The following RAP1GDS1 variants were observed in gnomAD, a reference collection of about 807,000 sequenced individuals.
The protein encoded by RAP1GDS1 is Rap1 GTPase-GDP dissociation stimulator 1, also known as RAP1, GTP-GDP dissociation stimulator 1.
Under a neutral mutation model 71.1 loss-of-function variants are expected in RAP1GDS1, and 35 were observed. The ratio of observed to expected loss-of-function variants is 0.49; its 90% confidence interval spans 0.38 to 0.65. RAP1GDS1 has a LOEUF of 0.65. Ranked by LOEUF, RAP1GDS1 falls within the 30% of genes least tolerant of loss-of-function variation. RAP1GDS1 has a pLI of 0.00. For missense variants in RAP1GDS1, 663 were observed against 706.1 expected (o/e 0.94, Z 0.69); for synonymous variants, 229 against 243.1 (o/e 0.94, Z 0.54).
chr4:98,330,353 T>C (rs1014985482), intron 2 of RAP1GDS1, among the ~76,000 whole-genome samples: 3 of 151,228 alleles, frequency 2.0e-5, no homozygotes, highest in African/African-American at 7.3e-5. Flanking sequence ...CCAGACGGGG[T>C]GGCGGCCGGG....
At chr4:98,328,399 G>T (rs900712535) in intron 2 of RAP1GDS1, among the ~76,000 whole-genome samples, 2 of 152,196 alleles carry the variant, frequency 1.3e-5, no homozygotes, top group African/African-American at 4.8e-5. Context: ...CGTCTACCAT[G>T]TAAAAATGTC....
chr4:98,332,145 A>G (rs1292169256), intron 2 of RAP1GDS1, among the ~76,000 whole-genome samples: 3 of 152,234 alleles, frequency 2.0e-5, no homozygotes, highest in Non-Finnish European at 2.9e-5. Context: ...GATAGCCTGG[A>G]AGTTGAACCT....
chr4:98,425,048 C>T (rs1422463152), intron 12 of RAP1GDS1, among the ~76,000 whole-genome samples: 1 of 152,168 alleles, frequency 6.6e-6, no homozygotes, highest in Non-Finnish European at 1.5e-5. Flanking sequence ...CTCAGCAGAA[C>T]CCCTACAAGC....
chr4:98,331,303 G>A (rs1204264224), intron 2 of RAP1GDS1, among the ~76,000 whole-genome samples: 2 of 151,074 alleles, frequency 1.3e-5, no homozygotes, highest in Admixed American at 6.6e-5. Flanking sequence ...CGGAGACGAA[G>A]GAGAGGGGGA....
At chr4:98,278,289 A>G (rs1162242225) in intron 1 of RAP1GDS1, among the ~76,000 whole-genome samples, 3 of 152,190 alleles carry the variant, frequency 2.0e-5, no homozygotes, top group Non-Finnish European at 4.4e-5. Flanking sequence ...AGGTCCCCCT[A>G]GTTTTCATTA....
chr4:98,418,407 T>C (rs1748321352), intron 9 of RAP1GDS1, among the ~76,000 whole-genome samples: 1 of 152,216 alleles, frequency 6.6e-6, no homozygotes, highest in Admixed American at 6.5e-5. Context: ...TGATATATTA[T>C]CTGGCTCTAA....
At chr4:98,396,100 A>G (rs13103626) in intron 6 of RAP1GDS1, 27,114 of 151,344 alleles carry the variant, frequency 0.18, 2,658 homozygotes, top group Non-Finnish European at 0.22. Context: ...ACCAGATCTC[A>G]TATGAACTAA....
intron 2 of RAP1GDS1, among the ~76,000 whole-genome samples, chr4:98,296,056 C>CAAA (rs71588948): frequency 6.6e-6 from 1 of 150,562 alleles, no homozygotes; most frequent in Non-Finnish European, 1.5e-5. Flanking sequence ...ACAACAACAA[C>CAAA]AAAAACACAG....
chr4:98,386,069 A>T (rs1742697774), intron 5 of RAP1GDS1, among the ~76,000 whole-genome samples: 1 of 150,110 alleles, frequency 6.7e-6, no homozygotes, highest in Non-Finnish European at 1.5e-5. Flanking sequence ...AAAAAAAAAG[A>T]CATTTAACTT....
At chr4:98,350,541 TA>T (rs1737014693) in intron 3 of RAP1GDS1, among the ~76,000 whole-genome samples, 1 of 151,882 alleles carries the variant, frequency 6.6e-6, no homozygotes, top group African/African-American at 2.4e-5. Flanking sequence ...ACTCTGTCTA[TA>T]AAAAAATAAA....
rs541079207 is a variant in RAP1GDS1 at position 98,389,030 on chromosome 4, G to A, written c.509-2922G>A. ...TTGTTTTACTATTTGTGATGGTGAA[G>A]AAAACAATGGCTACTAATACAATTT... On this transcript the variant is annotated intron_variant, in intron 5 of 14. Coordinates refer to ENST00000408927, the MANE Select transcript of RAP1GDS1 (RefSeq NM_001100427.2). Among the ~76,000 whole-genome samples the A allele has an allele frequency of 1.9e-4, 27 of 141,056 alleles. No individual in the cohort carries two copies. In the South Asian group the frequency reaches 5.6e-3, roughly 29 times the overall value. 92.5% of individuals were successfully genotyped at this position (141,056 alleles called of 152,430 possible). A position where few individuals can be genotyped will look rare whatever the true frequency, so the allele number is the denominator to read the frequency against.
intron 5 of RAP1GDS1, among the ~76,000 whole-genome samples, chr4:98,388,003 G>A (rs1281865788): frequency 1.2e-4 from 18 of 152,090 alleles, no homozygotes. Context: ...TGATACCATG[G>A]ATGTCAGCTA....
intron 4 of RAP1GDS1, among the ~76,000 whole-genome samples, chr4:98,358,904 A>G (rs1400482075): frequency 6.6e-6 from 1 of 151,810 alleles, no homozygotes; most frequent in Non-Finnish European, 1.5e-5. Context: ...TTTTTTTTAA[A>G]TAACTTCTTG....
At chr4:98,349,271 G>A (rs907137910) in intron 3 of RAP1GDS1, among the ~76,000 whole-genome samples, 7 of 152,156 alleles carry the variant, frequency 4.6e-5, no homozygotes, top group Admixed American at 3.9e-4. Context: ...AAGATCAGAT[G>A]GTTGTAAATG....
chr4:98,432,030 C>G (rs953073875), intron 12 of RAP1GDS1, among the ~76,000 whole-genome samples: 2 of 151,910 alleles, frequency 1.3e-5, no homozygotes, highest in African/African-American at 2.4e-5. Flanking sequence ...TGTGCTGCAC[C>G]CATTAACTCA....
At chr4:98,428,397 C>T (rs889664892) in intron 12 of RAP1GDS1, among the ~76,000 whole-genome samples, 2 of 152,076 alleles carry the variant, frequency 1.3e-5, no homozygotes, top group African/African-American at 2.4e-5. Flanking sequence ...AAGGAACAGT[C>T]GGCAGAGTAA....
chr4:98,403,578 GCAGTTAAATAGC>G (rs1049548304), intron 6 of RAP1GDS1, among the ~76,000 whole-genome samples: 10 of 152,186 alleles, frequency 6.6e-5, no homozygotes, highest in African/African-American at 2.4e-4. Flanking sequence ...TGTCAAATGG[GCAGTTAAATAGC>G]CTGATGTCCA....
Position 98,442,922 on chromosome 4 carries a change from T to C in RAP1GDS1, c.*805T>C, listed in dbSNP as rs1430659253. On this transcript the variant is annotated 3_prime_UTR_variant, in exon 15 of 15. Transcript: ENST00000408927. Reference sequence around the variant, plus strand: ...TCACTCAGGAACTACTTCTACCAGTTAATCAGCATTATCCAGCACTTGTCT... The same window carrying C: ...TCACTCAGGAACTACTTCTACCAGTCAATCAGCATTATCCAGCACTTGTCT... The C allele has an allele frequency of 4.3e-6, 1 of 230,808 alleles. No individual in the cohort carries two copies. Among genetic ancestry groups the C allele is most frequent in the African/African-American group, 2.2e-5 (1 of 45,120 alleles). The allele number at this position is 230,808 out of a possible 1,614,324, so 14.3% of individuals were successfully genotyped here.
rs1390803441 is a variant in RAP1GDS1, at chr4:98,443,185, C to T, written c.*1068C>T. ...AGAAAGGAAAGCAGGTTATAAAAGC[C>T]ATAGTAGCCAGTCCAGTTCATTCTG... is the stretch of plus-strand genomic sequence containing the variant. On this transcript the variant is annotated 3_prime_UTR_variant, in exon 15 of 15. Transcript: ENST00000408927. 8.6e-6 allele frequency: 2 copies of T among 232,104 alleles called. No individual in the cohort carries two copies. Among genetic ancestry groups the T allele is most frequent in the Non-Finnish European group, 1.7e-5 (2 of 117,618 alleles). The allele number at this position is 232,104 out of a possible 1,614,324, so 14.4% of individuals were successfully genotyped here.
Sources: allele counts gnomAD v4.1 joint callset (sites outside exome capture counted in the v4.1 genomes callset), GRCh38; gene constraint gnomAD v4.1.1; transcripts MANE v1.5; gene names NCBI Gene and HGNC (gene_info 2026-07-23, HGNC 2026-07-21).